CHST9: variants seen among roughly 807,000 people sequenced by gnomAD.
CHST9 encodes the protein GalNAc-4-sulfotransferase 2.
CHST9 carries 41 observed loss-of-function variants against 44.4 expected under a neutral mutation model. The ratio of observed to expected loss-of-function variants is 0.92; its 90% CI spans 0.72 to 1.20. The LOEUF is 1.20. Ranked by LOEUF, CHST9 falls within the 50% of genes most tolerant of loss-of-function variation. The pLI is 0.00. For missense variants in CHST9, 504 were observed against 516.5 expected, an observed-to-expected ratio of 0.98 and a Z score of 0.23; for synonymous variants, 171 against 178.4, an observed-to-expected ratio of 0.96 and a Z score of 0.33.
intron 4 of CHST9, among the ~76,000 whole-genome samples, chr18:26,965,060 A>G (rs564126922): frequency 4.6e-5 from 7 of 152,322 alleles, no homozygotes; most frequent in South Asian, 2.1e-4. Context: ...GTAGTTGTCC[A>G]AAGTGATGAA....
chr18:27,169,773 T>A (rs9646527), intron 1 of CHST9, among the ~76,000 whole-genome samples: 48,119 of 151,400 alleles, frequency 0.32, 8,270 homozygotes, highest in Non-Finnish European at 0.39. Flanking sequence ...TGCCGGCTAA[T>A]TTTTTTTGTA....
intron 3 of CHST9, among the ~76,000 whole-genome samples, chr18:27,039,546 G>T (rs1480401610): frequency 2.0e-5 from 3 of 152,124 alleles, no homozygotes; most frequent in Non-Finnish European, 2.9e-5. Flanking sequence ...CAGAGTTTCA[G>T]TTGTGCAAGA....
intron 4 of CHST9, among the ~76,000 whole-genome samples, chr18:26,946,223 A>G (rs1162034746): frequency 6.6e-6 from 1 of 152,240 alleles, no homozygotes; most frequent in Non-Finnish European, 1.5e-5. Flanking sequence ...CTTTTAAATT[A>G]CAGATCACTG....
chr18:26,982,477 A>G (rs932960174), intron 4 of CHST9, among the ~76,000 whole-genome samples: 11 of 152,224 alleles, frequency 7.2e-5, no homozygotes, highest in Admixed American at 5.2e-4. Flanking sequence ...AAAACTCAAC[A>G]TATGTCACTA....
chr18:26,999,505 G>T (rs1478718919), intron 4 of CHST9, among the ~76,000 whole-genome samples: 1 of 152,002 alleles, frequency 6.6e-6, no homozygotes, highest in African/African-American at 2.4e-5. Flanking sequence ...CCATATCATT[G>T]ATATTGACTT....
intron 5 of CHST9, among the ~76,000 whole-genome samples, chr18:26,919,751 G>A (rs1275936527): frequency 3.3e-5 from 5 of 152,068 alleles, no homozygotes; most frequent in African/African-American, 9.7e-5. Context: ...CTGCTTTGTG[G>A]CCATCAAATT....
At chr18:27,127,030 A>G (rs1283075917) in intron 2 of CHST9, among the ~76,000 whole-genome samples, 1 of 152,182 alleles carries the variant, frequency 6.6e-6, no homozygotes, top group Admixed American at 6.5e-5. Flanking sequence ...TTGCACCACT[A>G]CTGAATCGGA....
intron 1 of CHST9, among the ~76,000 whole-genome samples, chr18:27,155,256 T>C (rs968726299): frequency 6.6e-6 from 1 of 152,212 alleles, no homozygotes; most frequent in Non-Finnish European, 1.5e-5. Context: ...AAGATGTTAG[T>C]ATCTTTATAT....
intron 2 of CHST9, among the ~76,000 whole-genome samples, chr18:27,109,006 A>G (rs992450877): frequency 3.3e-5 from 5 of 152,224 alleles, no homozygotes; most frequent in East Asian, 1.9e-4. Flanking sequence ...ACTGTCACAC[A>G]TTGATGGACA....
chr18:27,159,331 A>C (rs1328155097), intron 1 of CHST9, among the ~76,000 whole-genome samples: 2 of 152,218 alleles, frequency 1.3e-5, no homozygotes, highest in Non-Finnish European at 2.9e-5. Context: ...ACATGTGGCT[A>C]GCTAGTTTTC....
At position 26,910,652 on chromosome 18, in the gene CHST9, C is replaced by CA. The variant is rs2055428614; in HGVS notation, c.*5606dup. 1 of 152,198 alleles carries CA rather than the reference C, an allele frequency of 6.6e-6. No homozygotes were observed. The allele number at this position is 152,198 out of a possible 1,614,324, so 9.4% of individuals were successfully genotyped here. A position where few individuals can be genotyped will look rare whatever the true frequency, so the allele number is the denominator to read the frequency against. The stretch of plus-strand genomic sequence containing the variant: ...TCAGATGTTAAATAAAATGCACTGT[C>CA]AGCCAAACCAAACATATCTGTAGCC... On this transcript the variant is annotated 3_prime_UTR_variant, in exon 6 of 6. Coordinates refer to ENST00000618847, the MANE Select transcript of CHST9 (RefSeq NM_031422.6).
chr18:27,020,168 C>T (rs1051741623), intron 4 of CHST9, among the ~76,000 whole-genome samples: 1 of 152,158 alleles, frequency 6.6e-6, no homozygotes, highest in Non-Finnish European at 1.5e-5. Flanking sequence ...GGAGAGAGTA[C>T]CCTGTCTGAA....
intron 3 of CHST9, among the ~76,000 whole-genome samples, chr18:27,045,135 T>C (rs2057485376): frequency 6.6e-6 from 1 of 151,974 alleles, no homozygotes; most frequent in South Asian, 2.1e-4. Context: ...TTAGGGATGC[T>C]CTAATGTAAT....
chr18:27,079,624 C>T (rs532058124), intron 2 of CHST9, among the ~76,000 whole-genome samples: 13 of 152,154 alleles, frequency 8.5e-5, no homozygotes, highest in African/African-American at 3.1e-4. Flanking sequence ...GAATATTAAA[C>T]ATCATATTAG....
chr18:27,171,001 T>C (rs1047264090), intron 1 of CHST9, among the ~76,000 whole-genome samples: 1 of 152,236 alleles, frequency 6.6e-6, no homozygotes, highest in Admixed American at 6.5e-5. Context: ...CTACCGTTTT[T>C]ATTAGCTATG....
intron 1 of CHST9, among the ~76,000 whole-genome samples, chr18:27,182,865 A>G (rs1043402493): frequency 6.6e-6 from 1 of 152,124 alleles, no homozygotes; most frequent in African/African-American, 2.4e-5. Context: ...TGTGGGAAAC[A>G]ATGTGTATTT....
chr18:27,015,634 G>T (rs1357484084), intron 4 of CHST9, among the ~76,000 whole-genome samples: 1 of 152,072 alleles, frequency 6.6e-6, no homozygotes, highest in African/African-American at 2.4e-5. Flanking sequence ...AAATTCAAAA[G>T]TCACAGAGAG....
chr18:27,153,983 G>T (rs936338489), intron 1 of CHST9, among the ~76,000 whole-genome samples: 2 of 152,110 alleles, frequency 1.3e-5, no homozygotes, highest in African/African-American at 4.8e-5. Flanking sequence ...AAATAAGCTG[G>T]CACAGAGGAG....
chr18:26,978,466 C>T (rs1488716277), intron 4 of CHST9, among the ~76,000 whole-genome samples: 8 of 152,126 alleles, frequency 5.3e-5, no homozygotes, highest in Admixed American at 1.3e-4. Context: ...GAGCATCTCT[C>T]GTGTGCTAGA....
Sources: gnomAD v4.1 joint callset for allele counts (sites outside exome capture counted in the v4.1 genomes callset) on GRCh38, gnomAD v4.1.1 for gene constraint, MANE v1.5 for transcripts, NCBI Gene and HGNC (gene_info 2026-07-23, HGNC 2026-07-21) for gene names.